Variants in HACL2 observed in about 807,000 individuals in gnomAD.
The protein encoded by HACL2 is 2-hydroxyacyl-CoA lyase 2.
At chr19:15,115,101 T>A in the HACL2 span, 2 of 853,004 alleles carry the variant, frequency 2.3e-6, no homozygotes, top group Non-Finnish European at 3.8e-6. Flanking sequence ...AGAGCCTCTC[T>A]GAGATTTGAC....
At chr19:15,124,772 G>A in the HACL2 span, 1 of 1,047,896 alleles carries the variant, frequency 9.5e-7, no homozygotes, top group Non-Finnish European at 1.4e-6. Context: ...CGTGGCAATG[G>A]AGACAGGGCC....
chr19:15,117,746 T>A, the HACL2 span: 1 of 867,356 alleles, frequency 1.2e-6, no homozygotes, highest in East Asian at 2.5e-5. Context: ...ACTATTTGTC[T>A]CTGGTTGACT....
the HACL2 span, chr19:15,119,993 A>T: frequency 6.5e-7 from 1 of 1,548,516 alleles, no homozygotes; most frequent in Non-Finnish European, 8.7e-7. Context: ...TGCTGCGGGG[A>T]AGCCTGGGGG....
chr19:15,119,296 G>A, the HACL2 span: 105 of 1,603,694 alleles, frequency 6.5e-5, 1 homozygote, highest in South Asian at 9.7e-4. Context: ...AGGTCTCCAC[G>A]GCAGCCCTGG....
the HACL2 span, chr19:15,122,598 G>A: frequency 1.4e-5 from 15 of 1,040,312 alleles, no homozygotes; most frequent in Non-Finnish European, 2.1e-5. This position sits in a 1 kb window ranked among gnomAD's most constrained non-coding sequence, Gnocchi z 4.0. Context: ...TCTCCTCCCA[G>A]TCCACATGTG....
the HACL2 span, chr19:15,119,937 C>G: frequency 2.3e-6 from 3 of 1,327,376 alleles, no homozygotes; most frequent in East Asian, 2.6e-5. Context: ...CCTCTCCCCT[C>G]AGGGAGAGGG....
At chr19:15,118,040 T>C in the HACL2 span, 1 of 1,613,606 alleles carries the variant, frequency 6.2e-7, no homozygotes, top group East Asian at 2.2e-5. Context: ...AGGAATGCAG[T>C]AGGCAGAGGC....
At chr19:15,125,052 G>C in the HACL2 span, 10 of 1,551,250 alleles carry the variant, frequency 6.4e-6, no homozygotes, top group Non-Finnish European at 7.8e-6. Flanking sequence ...GGCCGCGGGG[G>C]TCTCCATGAG....
At chr19:15,124,933 G>A in the HACL2 span, 80 of 1,606,614 alleles carry the variant, frequency 5.0e-5, 1 homozygote, top group South Asian at 8.3e-4. Flanking sequence ...ACCTTGTGCA[G>A]CAGCTGATAG....
chr19:15,122,762 T>C, the HACL2 span: 2 of 1,613,876 alleles, frequency 1.2e-6, no homozygotes, highest in Admixed American at 1.7e-5. This position sits in a 1 kb window ranked among gnomAD's most constrained non-coding sequence, Gnocchi z 4.0. Context: ...GACCATGAAG[T>C]AGGGGTACAG....
the HACL2 span, chr19:15,116,391 C>T: frequency 8.1e-6 from 13 of 1,613,968 alleles, no homozygotes; most frequent in African/African-American, 1.3e-5. Context: ...CCCACATCCA[C>T]TCCACCCAGG....
At chr19:15,116,413 G>A in the HACL2 span, 4 of 1,613,870 alleles carry the variant, frequency 2.5e-6, no homozygotes, top group African/African-American at 4.0e-5. Flanking sequence ...CCCACCGAAA[G>A]GTCTGCTCCT....
the HACL2 span, chr19:15,115,588 C>T: frequency 6.2e-7 from 1 of 1,613,668 alleles, no homozygotes; most frequent in Non-Finnish European, 8.5e-7. Flanking sequence ...GGCCACAGGC[C>T]ACGTTGCTGC....
the HACL2 span, chr19:15,123,370 C>T: frequency 4.3e-6 from 7 of 1,612,656 alleles, no homozygotes; most frequent in Admixed American, 1.2e-4. The surrounding 1 kb of genome is among the most constrained non-coding windows in gnomAD (Gnocchi z 5.1). Flanking sequence ...CTGCAATGCC[C>T]TCACCGGACA....
chr19:15,124,946 G>A, the HACL2 span: 4 of 1,607,786 alleles, frequency 2.5e-6, no homozygotes, highest in Non-Finnish European at 2.5e-6. Flanking sequence ...GCTGATAGAA[G>A]AGCCCCAGGC....
At chr19:15,117,226 TAAGGG>T in the HACL2 span, 8 of 153,086 alleles carry the variant, frequency 5.2e-5, no homozygotes, top group African/African-American at 1.9e-4. Flanking sequence ...GGGACTAAAA[TAAGGG>T]GAGGGGAGAG....
At chr19:15,115,388 A>T in the HACL2 span, 70 of 1,614,020 alleles carry the variant, frequency 4.3e-5, no homozygotes, top group African/African-American at 5.7e-4. Context: ...CCGTGAGAGC[A>T]GCAAGCCCCG....
the HACL2 span, chr19:15,115,748 G>A: frequency 1.9e-6 from 3 of 1,565,726 alleles, no homozygotes; most frequent in Admixed American, 3.3e-5. Flanking sequence ...GACAGGGATA[G>A]GGCCTCTGCC....
At chr19:15,115,154 T>G in the HACL2 span, 66 of 1,431,274 alleles carry the variant, frequency 4.6e-5, no homozygotes, top group Non-Finnish European at 6.2e-5. Flanking sequence ...TCACTGGGCC[T>G]CATGGGATAG....
Sources: allele counts gnomAD v4.1 joint callset, GRCh38; gene constraint gnomAD v4.1.1; non-coding constraint Gnocchi (gnomAD v3.1); transcripts MANE v1.5; gene names NCBI Gene and HGNC (gene_info 2026-07-23, HGNC 2026-07-21).